The following RALGAPA1 variants were observed in gnomAD, a reference collection of about 807,000 sequenced individuals.
RALGAPA1 encodes Ral GTPase activating protein catalytic subunit alpha 1, also known as ral GTPase-activating protein subunit alpha-1.
RALGAPA1 carries 52 observed loss-of-function variants against 269.6 expected under a neutral mutation model. The ratio of observed to expected loss-of-function variants is 0.19; its 90% confidence interval spans 0.15 to 0.24. The LOEUF is 0.24. Among genes scored for constraint, RALGAPA1 ranks in the 10% least tolerant of loss-of-function variants. The probability of loss-of-function intolerance (pLI) is 1.00; values close to 1 mark genes in which losing one functional copy is unlikely to be tolerated. For missense variants in RALGAPA1, 1,917 were observed against 3,013.9 expected, an observed-to-expected ratio of 0.64 and a Z score of 8.52; for synonymous variants, 817 against 1,008.3, an observed-to-expected ratio of 0.81 and a Z score of 3.60.
chr14:35,786,943 C>T (rs2075840470), intron 1 of RALGAPA1, among the ~76,000 whole-genome samples: 1 of 152,150 alleles, frequency 6.6e-6, no homozygotes, highest in Non-Finnish European at 1.5e-5. Flanking sequence ...AATCATCATG[C>T]TTATGAACTA....
At position 35,585,112 on chromosome 14, in the gene RALGAPA1, T is replaced by G. The variant is rs189025936; in HGVS notation, c.7209+10522A>C. Among the ~76,000 whole-genome samples, 376 of 152,290 alleles carry G rather than the reference T, an allele frequency of 2.5e-3. 2 individuals are homozygous for G. The highest frequency in any genetic ancestry group is 8.6e-3 in the African/African-American group (359 of 41,580). On this transcript the variant is annotated intron_variant, in intron 37 of 41. Coordinates refer to ENST00000680220, the MANE Select transcript of RALGAPA1 (RefSeq NM_001346249.2). ...CCTCATATAACAAAGGAGTCAATAC[T>G]AGAAGATGACATAGCAATCTGTACA...
intron 30 of RALGAPA1, among the ~76,000 whole-genome samples, chr14:35,653,782 C>T (rs376052824): frequency 2.6e-5 from 4 of 151,718 alleles, no homozygotes; most frequent in East Asian, 1.9e-4. Flanking sequence ...GAATGAAATA[C>T]GTCAGGTGTT....
At chr14:35,624,156 C>CAA (rs377171729) in intron 35 of RALGAPA1, among the ~76,000 whole-genome samples, 4,011 of 21,788 alleles carry the variant, frequency 0.18, 295 homozygotes, top group East Asian at 0.39. Context: ...TAATACAACG[C>CAA]AAAAAAAAAA....
At chr14:35,709,050 A>C (rs891368212) in intron 16 of RALGAPA1, among the ~76,000 whole-genome samples, 1 of 152,150 alleles carries the variant, frequency 6.6e-6, no homozygotes, top group Non-Finnish European at 1.5e-5. Flanking sequence ...GGAGATAGAG[A>C]GTAGAAGGAT....
intron 21 of RALGAPA1, 30 bp downstream of exon 21, chr14:35,683,779 T>G (rs2065671875): frequency 1.3e-6 from 2 of 1,521,314 alleles, no homozygotes; most frequent in Non-Finnish European, 1.8e-6. Context: ...AAAATACATT[T>G]AAGAAACACA....
intron 28 of RALGAPA1, among the ~76,000 whole-genome samples, chr14:35,657,686 T>C (rs1255421451): frequency 1.4e-5 from 2 of 138,564 alleles, no homozygotes; most frequent in Non-Finnish European, 3.1e-5. Context: ...CATATATATA[T>C]ATATTTTTTT....
At chr14:35,732,483 C>A (rs1595359894) in intron 12 of RALGAPA1, among the ~76,000 whole-genome samples, 1 of 152,116 alleles carries the variant, frequency 6.6e-6, no homozygotes, top group Non-Finnish European at 1.5e-5. Context: ...TAAGAACTCA[C>A]CAACCAACCA....
chr14:35,683,725 C>G, intron 21 of RALGAPA1, 84 bp downstream of exon 21: 5 of 1,054,182 alleles, frequency 4.7e-6, no homozygotes, highest in Non-Finnish European at 6.7e-6. Flanking sequence ...ATAAGTAATA[C>G]TTAAAATCTC....
At chr14:35,612,457 C>A (rs1347543968) in intron 35 of RALGAPA1, among the ~76,000 whole-genome samples, 1 of 149,704 alleles carries the variant, frequency 6.7e-6, no homozygotes, top group Non-Finnish European at 1.5e-5. Context: ...AATGTAAGGG[C>A]GGAAACTATA....
intron 36 of RALGAPA1, among the ~76,000 whole-genome samples, chr14:35,600,387 C>T (rs1594766320): frequency 6.6e-6 from 1 of 151,742 alleles, no homozygotes; most frequent in Non-Finnish European, 1.5e-5. Flanking sequence ...CCTGCCACCA[C>T]ACCTGGTTAA....
intron 37 of RALGAPA1, among the ~76,000 whole-genome samples, chr14:35,574,172 T>C (rs544969079): frequency 6.6e-6 from 1 of 152,276 alleles, no homozygotes; most frequent in South Asian, 2.1e-4. Flanking sequence ...TTAAATGAGT[T>C]AGGTAAGGAA....
intron 12 of RALGAPA1, 40 bp from the exon 13 acceptor site, chr14:35,728,550 T>A: frequency 1.3e-6 from 2 of 1,537,390 alleles, no homozygotes; most frequent in African/African-American, 1.4e-5. Context: ...CAAAGGAATT[T>A]CAATGGCAAA....
chr14:35,552,761 C>G (rs142338416), intron 39 of RALGAPA1, among the ~76,000 whole-genome samples: 2 of 149,580 alleles, frequency 1.3e-5, no homozygotes, highest in East Asian at 3.9e-4. Flanking sequence ...GCAATCACAG[C>G]AATATAATTA....
At chr14:35,728,289 T>C in intron 13 of RALGAPA1, 73 bp downstream of exon 13, 2 of 1,310,600 alleles carry the variant, frequency 1.5e-6, no homozygotes, top group Non-Finnish European at 2.0e-6. Flanking sequence ...TCACAGACAC[T>C]ATTTCTCTAA....
intron 37 of RALGAPA1, among the ~76,000 whole-genome samples, chr14:35,587,567 C>T (rs956506595): frequency 6.6e-6 from 1 of 152,094 alleles, no homozygotes; most frequent in Non-Finnish European, 1.5e-5. Context: ...ATGTCCTTTG[C>T]AGGGACATGG....
chr14:35,660,051 C>T (rs1176669551), intron 27 of RALGAPA1, among the ~76,000 whole-genome samples: 1 of 151,918 alleles, frequency 6.6e-6, no homozygotes, highest in East Asian at 1.9e-4. Context: ...ACATAACAAG[C>T]CCATAGATAA....
At chr14:35,734,110 G>T (rs921170184) in intron 12 of RALGAPA1, among the ~76,000 whole-genome samples, 2 of 152,232 alleles carry the variant, frequency 1.3e-5, no homozygotes, top group Admixed American at 1.3e-4. Context: ...AATCAATATT[G>T]TGAAAATGAC....
chr14:35,612,680 A>G (rs2060021067), intron 35 of RALGAPA1, among the ~76,000 whole-genome samples: 1 of 151,630 alleles, frequency 6.6e-6, no homozygotes, highest in Admixed American at 6.6e-5. Flanking sequence ...CTGGGACTAC[A>G]GGCGCCCGCC....
chr14:35,559,551 C>G (rs190076112), intron 39 of RALGAPA1, among the ~76,000 whole-genome samples: 3 of 152,020 alleles, frequency 2.0e-5, no homozygotes, highest in African/African-American at 7.3e-5. Context: ...AAGATAGAAG[C>G]AAACTTCAAG....
Sources: gnomAD v4.1 joint callset for allele counts (sites outside exome capture counted in the v4.1 genomes callset) on GRCh38, gnomAD v4.1.1 for gene constraint, MANE v1.5 for transcripts, NCBI Gene and HGNC (gene_info 2026-07-23, HGNC 2026-07-21) for gene names.